The following KCNH5 variants were observed in gnomAD, a reference collection of about 807,000 sequenced individuals.
The protein encoded by KCNH5 is voltage-gated delayed rectifier potassium channel KCNH5.
In KCNH5, 46 loss-of-function variants were observed where a neutral mutation model predicts 96.1. The observed-to-expected ratio is 0.48, with a 90% CI of 0.38 to 0.61. The LOEUF is 0.61. KCNH5 is among the 20% of genes least tolerant of loss of function. The probability of loss-of-function intolerance (pLI) is 0.00; values close to 1 mark genes in which losing one functional copy is unlikely to be tolerated. For synonymous variants in KCNH5, 439 were observed against 449.8 expected, an observed-to-expected ratio of 0.98 and a Z score of 0.30; for missense variants, 907 against 1,225.8, an observed-to-expected ratio of 0.74 and a Z score of 3.88.
intron 7 of KCNH5, among the ~76,000 whole-genome samples, chr14:62,870,755 T>A (rs181684052): frequency 6.6e-6 from 1 of 152,186 alleles, no homozygotes; most frequent in Non-Finnish European, 1.5e-5. Flanking sequence ...GTCATTATTA[T>A]ATATAACTTT....
chr14:62,854,417 A>T (rs1887890426), intron 7 of KCNH5, among the ~76,000 whole-genome samples: 1 of 152,186 alleles, frequency 6.6e-6, no homozygotes, highest in Admixed American at 6.5e-5. Flanking sequence ...TACAGAAGGA[A>T]TATACACTGT....
intron 9 of KCNH5, among the ~76,000 whole-genome samples, chr14:62,789,849 G>C (rs1886395088): frequency 6.6e-6 from 1 of 151,808 alleles, no homozygotes; most frequent in Non-Finnish European, 1.5e-5. Flanking sequence ...CAGTCTACAG[G>C]CTGCCTTTTC....
At chr14:62,818,341 T>C (rs1366010097) in intron 8 of KCNH5, among the ~76,000 whole-genome samples, 8 of 152,130 alleles carry the variant, frequency 5.3e-5, no homozygotes, top group African/African-American at 1.9e-4. Flanking sequence ...ACACTTTGAA[T>C]ACATATAATT....
chr14:62,919,972 T>C (rs1889349814), intron 7 of KCNH5, among the ~76,000 whole-genome samples: 1 of 152,236 alleles, frequency 6.6e-6, no homozygotes. Context: ...CAAGGTGATA[T>C]CAATTACTTT....
chr14:62,881,294 T>A (rs1368564382), intron 7 of KCNH5, among the ~76,000 whole-genome samples: 1 of 152,098 alleles, frequency 6.6e-6, no homozygotes, highest in Non-Finnish European at 1.5e-5. Flanking sequence ...ATGGAAAACC[T>A]CACCATTTAT....
At chr14:62,924,906 C>T (rs1482542510) in intron 7 of KCNH5, among the ~76,000 whole-genome samples, 5 of 151,788 alleles carry the variant, frequency 3.3e-5, no homozygotes, top group African/African-American at 4.8e-5. Flanking sequence ...CGACTATAGT[C>T]AATAATAGTG....
intron 6 of KCNH5, among the ~76,000 whole-genome samples, chr14:62,954,254 A>G (rs192555628): frequency 1.6e-4 from 25 of 152,272 alleles, no homozygotes; most frequent in African/African-American, 5.1e-4. Context: ...TGCCTCTGCC[A>G]TCTTTATTGT....
intron 6 of KCNH5, among the ~76,000 whole-genome samples, chr14:62,968,056 C>G (rs1890335805): frequency 1.3e-5 from 2 of 152,148 alleles, no homozygotes; most frequent in Non-Finnish European, 1.5e-5. Context: ...GAAATTCATG[C>G]AAAAGAATGT....
intron 7 of KCNH5, among the ~76,000 whole-genome samples, chr14:62,890,895 T>G (rs1437631854): frequency 6.6e-6 from 1 of 151,586 alleles, no homozygotes; most frequent in African/African-American, 2.4e-5. Context: ...TATTAAAAAG[T>G]CAAAAAATAA....
chr14:62,749,675 C>A (rs1284203535), intron 10 of KCNH5, among the ~76,000 whole-genome samples: 1 of 152,170 alleles, frequency 6.6e-6, no homozygotes, highest in Non-Finnish European at 1.5e-5. Flanking sequence ...TCCATTATTT[C>A]AAAAGGGCTG....
intron 8 of KCNH5, among the ~76,000 whole-genome samples, chr14:62,818,912 C>T (rs903174682): frequency 2.6e-5 from 4 of 152,050 alleles, no homozygotes; most frequent in East Asian, 3.9e-4. Context: ...AATAATGAAT[C>T]GGTAAATAAG....
chr14:62,796,472 T>C (rs192384791), intron 9 of KCNH5, among the ~76,000 whole-genome samples: 1 of 152,278 alleles, frequency 6.6e-6, no homozygotes, highest in African/African-American at 2.4e-5. Context: ...TTCCAAACCA[T>C]ACATAAACAA....
intron 10 of KCNH5, among the ~76,000 whole-genome samples, chr14:62,745,617 A>G (rs1885360007): frequency 6.6e-6 from 1 of 152,176 alleles, no homozygotes; most frequent in Non-Finnish European, 1.5e-5. Flanking sequence ...CATGTCTGTA[A>G]GGGGTTGGGA....
intron 1 of KCNH5, among the ~76,000 whole-genome samples, chr14:63,036,873 C>G (rs1485427475): frequency 1.3e-5 from 2 of 151,990 alleles, no homozygotes; most frequent in African/African-American, 4.8e-5. Flanking sequence ...AATATAGTTT[C>G]AAACCTTGCA....
intron 8 of KCNH5, among the ~76,000 whole-genome samples, chr14:62,834,828 C>T (rs1595646176): frequency 6.6e-6 from 1 of 151,904 alleles, no homozygotes; most frequent in East Asian, 1.9e-4. Context: ...TTTACTGGGA[C>T]ACAACAATGT....
intron 4 of KCNH5, among the ~76,000 whole-genome samples, chr14:62,992,429 C>A (rs768421228): frequency 3.3e-5 from 5 of 151,794 alleles, no homozygotes; most frequent in African/African-American, 4.8e-5. Flanking sequence ...TTGTACTAAC[C>A]TACATTCCCA....
intron 7 of KCNH5, among the ~76,000 whole-genome samples, chr14:62,905,521 A>G (rs1189793679): frequency 6.6e-6 from 1 of 152,194 alleles, no homozygotes; most frequent in African/African-American, 2.4e-5. Flanking sequence ...GAAGGATGAC[A>G]AATGTTAGGT....
At chr14:62,799,064 G>C (rs938461637) in intron 9 of KCNH5, among the ~76,000 whole-genome samples, 1 of 152,148 alleles carries the variant, frequency 6.6e-6, no homozygotes, top group Non-Finnish European at 1.5e-5. Context: ...TAAAAGCAAA[G>C]AGCATTAAAC....
intron 7 of KCNH5, among the ~76,000 whole-genome samples, chr14:62,900,613 T>C (rs1198554231): frequency 6.6e-6 from 1 of 152,102 alleles, no homozygotes; most frequent in African/African-American, 2.4e-5. Context: ...AGTGGATATT[T>C]ACAGTAAAGA....
Sources: gnomAD v4.1 joint callset for allele counts (sites outside exome capture counted in the v4.1 genomes callset) on GRCh38, gnomAD v4.1.1 for gene constraint, MANE v1.5 for transcripts, NCBI Gene and HGNC (gene_info 2026-07-23, HGNC 2026-07-21) for gene names.